Variants in CSMD1 observed in about 807,000 individuals in gnomAD.
CSMD1 encodes the protein CUB and sushi domain-containing protein 1.
A neutral mutation model predicts 417.5 loss-of-function variants in CSMD1; 213 were observed. The observed-to-expected ratio is 0.51, with a 90% CI of 0.46 to 0.57. CSMD1 has a LOEUF of 0.57. CSMD1 is among the 20% of genes least tolerant of loss of function. The pLI, the probability that CSMD1 is intolerant of heterozygous loss-of-function variation, is 0.00. For synonymous variants in CSMD1, 2,862 were observed against 1,736.8 expected (o/e 1.65, Z -16.11); for missense variants, 6,923 against 4,529.7 (o/e 1.53, Z -15.17).
chr8:3,856,669 A>G (rs1804335607), intron 5 of CSMD1, among the ~76,000 whole-genome samples: 2 of 152,164 alleles, frequency 1.3e-5, no homozygotes, highest in African/African-American at 4.8e-5. Context: ...GGGAACTCCT[A>G]AGTGCCCACA....
At chr8:3,783,380 T>G (rs1455177707) in intron 5 of CSMD1, among the ~76,000 whole-genome samples, 1 of 152,218 alleles carries the variant, frequency 6.6e-6, no homozygotes, top group Non-Finnish European at 1.5e-5. Context: ...AGCAGTCACA[T>G]GCCCCTGGGG....
At chr8:3,343,983 A>T (rs13282348) in intron 22 of CSMD1, among the ~76,000 whole-genome samples, 17,637 of 152,170 alleles carry the variant, frequency 0.12, 1,430 homozygotes, top group African/African-American at 0.23. Context: ...CTTGAATTTG[A>T]AATAACAGAA....
intron 54 of CSMD1, among the ~76,000 whole-genome samples, chr8:2,979,282 TA>T (rs2128938080): frequency 6.6e-6 from 1 of 152,350 alleles, no homozygotes; most frequent in African/African-American, 2.4e-5. Flanking sequence ...AGAACGCAAC[TA>T]AAAATGACAA....
chr8:3,089,016 C>G (rs976616804), intron 48 of CSMD1, among the ~76,000 whole-genome samples: 2 of 152,180 alleles, frequency 1.3e-5, no homozygotes, highest in Admixed American at 6.5e-5. Flanking sequence ...TCTTCTCTCA[C>G]CAGCCCCTCA....
At chr8:3,908,771 G>C (rs536471005) in intron 5 of CSMD1, among the ~76,000 whole-genome samples, 2 of 152,294 alleles carry the variant, frequency 1.3e-5, no homozygotes, top group South Asian at 4.1e-4. Context: ...CTGGCTTACA[G>C]GCATTAGGGG....
chr8:4,584,021 G>A (rs190498219), intron 2 of CSMD1, among the ~76,000 whole-genome samples: 72 of 151,804 alleles, frequency 4.7e-4, no homozygotes, highest in Non-Finnish European at 9.1e-4. Context: ...CTCCAGATGC[G>A]CCGCCTTAAG....
chr8:3,540,556 T>C (rs180883337), intron 10 of CSMD1, among the ~76,000 whole-genome samples: 1 of 152,266 alleles, frequency 6.6e-6, no homozygotes, highest in East Asian at 1.9e-4. Context: ...GTAAAGAGCT[T>C]CTGCACGACA....
chr8:3,371,190 C>G (rs1055613667), intron 18 of CSMD1, among the ~76,000 whole-genome samples: 1 of 152,156 alleles, frequency 6.6e-6, no homozygotes, highest in Non-Finnish European at 1.5e-5. Flanking sequence ...ATCTTGGGAC[C>G]TTTTGGCCTC....
rs773758715 is a variant in CSMD1, at chr8:3,230,152, G to A, written c.4233C>T (p.Asp1411=). The A allele has an allele frequency of 4.3e-6, 7 of 1,613,674 alleles. No homozygotes were observed. In the South Asian group the frequency reaches 5.5e-5, roughly 13 times the overall value. The change falls in exon 27 of 70, where the codon GAC becomes GAT. Residue 1411 remains aspartate, a synonymous_variant. Coordinates refer to ENST00000635120, the MANE Select transcript of CSMD1 (RefSeq NM_033225.6). The part of the protein sequence containing the change: ...TRYGDSREAG[D]TVTFQCDPGY... Reference sequence around the variant, plus strand: ...CAGGGTCACACTGGAATGTGACGGTGTCTCCAGCCTCTCTGCTGTCTCCAT... The same window carrying A: ...CAGGGTCACACTGGAATGTGACGGTATCTCCAGCCTCTCTGCTGTCTCCAT...
intron 2 of CSMD1, among the ~76,000 whole-genome samples, chr8:4,448,761 C>A (rs1052680280): frequency 6.6e-6 from 1 of 152,138 alleles, no homozygotes; most frequent in Non-Finnish European, 1.5e-5. Context: ...ATAATGACAA[C>A]CATATTTAAG....
intron 5 of CSMD1, among the ~76,000 whole-genome samples, chr8:3,945,190 A>C (rs553962961): frequency 0.025 from 3,727 of 151,948 alleles, 166 homozygotes; most frequent in African/African-American, 0.085. Context: ...AAAAAAAAAA[A>C]AAAAAAACAG....
intron 2 of CSMD1, among the ~76,000 whole-genome samples, chr8:4,461,028 T>A (rs1047084312): frequency 5.9e-5 from 9 of 152,104 alleles, no homozygotes; most frequent in African/African-American, 2.2e-4. Flanking sequence ...AATCAAGAAA[T>A]TCAGATCCAA....
chr8:4,560,456 T>C (rs1349015614), intron 2 of CSMD1, among the ~76,000 whole-genome samples: 1 of 152,174 alleles, frequency 6.6e-6, no homozygotes, highest in African/African-American at 2.4e-5. Context: ...CTGCAATCTA[T>C]AACCAAATGT....
intron 3 of CSMD1, among the ~76,000 whole-genome samples, chr8:4,035,824 T>G (rs961153098): frequency 1.3e-5 from 2 of 152,170 alleles, no homozygotes; most frequent in Non-Finnish European, 2.9e-5. Flanking sequence ...ACATTTAGTG[T>G]ACTCTAAGTG....
intron 1 of CSMD1, among the ~76,000 whole-genome samples, chr8:4,677,970 C>G (rs1805799164): frequency 6.6e-6 from 1 of 152,100 alleles, no homozygotes; most frequent in Non-Finnish European, 1.5e-5. Flanking sequence ...GACATAAAGC[C>G]TGCCTTCCAT....
intron 1 of CSMD1, among the ~76,000 whole-genome samples, chr8:4,875,604 G>A (rs920891467): frequency 6.6e-6 from 1 of 152,074 alleles, no homozygotes; most frequent in Non-Finnish European, 1.5e-5. Context: ...CCCTCTAAGC[G>A]TAGCTTGAGT....
intron 26 of CSMD1, among the ~76,000 whole-genome samples, chr8:3,273,820 GT>G (rs1334653357): frequency 6.6e-6 from 1 of 151,366 alleles, no homozygotes; most frequent in Non-Finnish European, 1.5e-5. Context: ...ATTCCTCTCT[GT>G]TTTTTTCTTA....
intron 5 of CSMD1, among the ~76,000 whole-genome samples, chr8:3,955,478 T>C (rs1260755174): frequency 1.3e-5 from 2 of 152,194 alleles, no homozygotes; most frequent in Non-Finnish European, 2.9e-5. Flanking sequence ...TTTGTACTGA[T>C]ATGTCATTCT....
chr8:3,291,714 T>G (rs1188768322), intron 25 of CSMD1, among the ~76,000 whole-genome samples: 1 of 152,194 alleles, frequency 6.6e-6, no homozygotes, highest in Non-Finnish European at 1.5e-5. Context: ...GATTCTTCTC[T>G]CTTTTCTTCT....
Sources: gnomAD v4.1 joint callset for allele counts (sites outside exome capture counted in the v4.1 genomes callset) on GRCh38, gnomAD v4.1.1 for gene constraint, MANE v1.5 for transcripts, NCBI Gene and HGNC (gene_info 2026-07-23, HGNC 2026-07-21) for gene names.